The following LAMA1 variants were observed in gnomAD, a reference collection of about 807,000 sequenced individuals.
The protein encoded by LAMA1 is laminin subunit alpha-1.
LAMA1 carries 219 observed loss-of-function variants against 348.7 expected under a neutral mutation model. That is an observed-to-expected ratio of 0.63 (90% confidence interval 0.56 to 0.70). The LOEUF (loss-of-function observed/expected upper bound fraction) is 0.70. Ranked by LOEUF, LAMA1 falls within the 30% of genes least tolerant of loss-of-function variation. LAMA1 has a pLI of 0.00. For synonymous variants in LAMA1, 1,487 were observed against 1,491.0 expected, an observed-to-expected ratio of 1.00 and a Z score of 0.06; for missense variants, 3,744 against 3,888.0, an observed-to-expected ratio of 0.96 and a Z score of 0.99.
intron 48 of LAMA1, among the ~76,000 whole-genome samples, chr18:6,969,770 A>C (rs1159114466): frequency 6.6e-6 from 1 of 152,106 alleles, no homozygotes; most frequent in African/African-American, 2.4e-5. Flanking sequence ...GGGTGTGTGG[A>C]AATCCGGAGG....
intron 20 of LAMA1, 45 bp downstream of exon 20, chr18:7,017,233 C>T (rs780061112): frequency 6.8e-7 from 1 of 1,470,042 alleles, no homozygotes; most frequent in South Asian, 1.2e-5. Context: ...GATTCAATCG[C>T]CTCTGTACCA....
chr18:7,030,230 T>A (rs1488978287), intron 16 of LAMA1, among the ~76,000 whole-genome samples: 1 of 152,152 alleles, frequency 6.6e-6, no homozygotes, highest in Non-Finnish European at 1.5e-5. Context: ...GCACGGCACC[T>A]CCACGTCTTC....
intron 3 of LAMA1, among the ~76,000 whole-genome samples, chr18:7,075,306 G>A (rs941077999): frequency 5.3e-5 from 8 of 152,114 alleles, no homozygotes; most frequent in African/African-American, 1.4e-4. Flanking sequence ...AAGAGGAGGG[G>A]GGGGAAGTTA....
intron 3 of LAMA1, among the ~76,000 whole-genome samples, chr18:7,072,520 C>G (rs1489625407): frequency 6.6e-6 from 1 of 152,214 alleles, no homozygotes; most frequent in Non-Finnish European, 1.5e-5. Flanking sequence ...TGCCCTGATG[C>G]AGTCTCTCGG....
In LAMA1 at chr18:6,943,843, C is replaced by CA. The variant is rs61710961; in HGVS notation, c.8845-442dup. 4.1e-3 allele frequency among the ~76,000 whole-genome samples: 261 copies of CA among 63,048 alleles called. 1 individual carries two copies. The highest frequency in any genetic ancestry group is 9.2e-3 in the African/African-American group (159 of 17,282). The allele number at this position is 63,048 out of a possible 152,430, so 41.4% of individuals were successfully genotyped here. On this transcript the variant is annotated intron_variant, in intron 61 of 62. Transcript: ENST00000389658. ...GGGCAACAAGAGCGAAACTCCATCTCAAAAAAAAAAAAAAAAAAAAAAGAT... is the reference window on the plus strand; with the variant it reads ...GGGCAACAAGAGCGAAACTCCATCTCAAAAAAAAAAAAAAAAAAAAAAAGAT...
intron 14 of LAMA1, among the ~76,000 whole-genome samples, 187 bp downstream of exon 14, chr18:7,034,292 T>C (rs1354728831): frequency 6.6e-6 from 1 of 152,220 alleles, no homozygotes; most frequent in Middle Eastern, 3.2e-3. Context: ...TTGATGTGGA[T>C]AACTGTTCTT....
At chr18:7,049,635 T>C (rs145484172) in intron 4 of LAMA1, among the ~76,000 whole-genome samples, 197 of 152,370 alleles carry the variant, frequency 1.3e-3, no homozygotes, top group African/African-American at 4.5e-3. Flanking sequence ...AATATAGCCC[T>C]GATTGTCTAA....
rs1307233609 is a variant in LAMA1 at position 7,034,892 on chromosome 18, G to A, written c.1840-202C>T. 2.0e-5 allele frequency among the ~76,000 whole-genome samples: 3 copies of A among 152,266 alleles called. No homozygotes were observed. The East Asian group carries it at 5.8e-4, about 29-fold the overall frequency. ...TTGTATTATTTTTAGAGGGGTTCTG[G>A]TAATAAACTGAAAGCCTGTGTACTT... On this transcript the variant is annotated intron_variant, in intron 13 of 62. Transcript: ENST00000389658.
At chr18:7,050,619 G>T in intron 4 of LAMA1, 75 bp downstream of exon 4, 2 of 1,602,168 alleles carry the variant, frequency 1.2e-6, no homozygotes, top group South Asian at 1.1e-5. Context: ...TGTATTGAGA[G>T]AGATCAATTT....
At position 7,115,816 on chromosome 18, in the gene LAMA1, A is replaced by AAAC. The variant is rs1244406886; in HGVS notation, c.61+1843_61+1844insGTT. ...AAACCCTGTCTCCACTAAAAATACA[A>AAAC]AAAAAAAAAAAAAAAAATAGCCGGG... On this transcript the variant is annotated intron_variant, in intron 1 of 62. Coordinates refer to ENST00000389658, the MANE Select transcript of LAMA1 (RefSeq NM_005559.4). 3.7e-3 allele frequency among the ~76,000 whole-genome samples: 429 copies of AAAC among 116,016 alleles called. 5 individuals are homozygous for AAAC. Among genetic ancestry groups the AAAC allele is most frequent in the African/African-American group, 9.2e-3 (175 of 19,064 alleles). The allele number at this position is 116,016 out of a possible 152,430, so 76.1% of individuals were successfully genotyped here. A position where few individuals can be genotyped will look rare whatever the true frequency, so the allele number is the denominator to read the frequency against.
At chr18:6,969,316 G>A (rs879451899) in intron 48 of LAMA1, among the ~76,000 whole-genome samples, 26 of 152,160 alleles carry the variant, frequency 1.7e-4, no homozygotes, top group Admixed American at 1.7e-3. Context: ...TGGGATTACA[G>A]GCGTGACCCT....
At chr18:6,967,607 T>C (rs903238214) in intron 48 of LAMA1, among the ~76,000 whole-genome samples, 1 of 152,216 alleles carries the variant, frequency 6.6e-6, no homozygotes, top group Non-Finnish European at 1.5e-5. Flanking sequence ...AGATGTTTTC[T>C]CTCATTATTC....
At chr18:7,071,400 C>G (rs970823701) in intron 3 of LAMA1, among the ~76,000 whole-genome samples, 1 of 152,198 alleles carries the variant, frequency 6.6e-6, no homozygotes, top group South Asian at 2.1e-4. Context: ...AATAACATTC[C>G]TCTTTCAAAA....
At chr18:7,061,238 T>C (rs1204601687) in intron 3 of LAMA1, among the ~76,000 whole-genome samples, 2 of 152,208 alleles carry the variant, frequency 1.3e-5, no homozygotes, top group African/African-American at 4.8e-5. Context: ...CTTCCTAGTC[T>C]CGATGTATTT....
chr18:6,956,195 C>A (rs1940970), intron 56 of LAMA1: 150,492 of 340,500 alleles, frequency 0.44, 34,288 homozygotes, highest in African/African-American at 0.56. Flanking sequence ...AAGGGGAGAA[C>A]ATGAAAAATA....
intron 1 of LAMA1, among the ~76,000 whole-genome samples, chr18:7,090,659 A>G (rs2058236142): frequency 6.8e-6 from 1 of 146,872 alleles, no homozygotes; most frequent in African/African-American, 2.5e-5. Flanking sequence ...AAAGACAGGG[A>G]GAGATATTGA....
At chr18:7,103,156 G>A (rs889843186) in intron 1 of LAMA1, among the ~76,000 whole-genome samples, 2 of 152,186 alleles carry the variant, frequency 1.3e-5, no homozygotes, top group Admixed American at 6.5e-5. Context: ...GGTGGCTCAC[G>A]CCTGTAATCC....
chr18:6,947,072 T>C (rs2057524863), intron 61 of LAMA1, 91 bp downstream of exon 61: 5 of 1,521,230 alleles, frequency 3.3e-6, no homozygotes, highest in South Asian at 1.1e-5. Context: ...TCCATGAAAA[T>C]AGATAGTTGT....
At chr18:6,979,441 G>C (rs988998678) in intron 42 of LAMA1, among the ~76,000 whole-genome samples, 1 of 152,218 alleles carries the variant, frequency 6.6e-6, no homozygotes, top group Non-Finnish European at 1.5e-5. Context: ...ACCAAGGCAA[G>C]AGGGTCGCTT....
Sources: allele counts gnomAD v4.1 joint callset (sites outside exome capture counted in the v4.1 genomes callset), GRCh38; gene constraint gnomAD v4.1.1; transcripts MANE v1.5; gene names NCBI Gene and HGNC (gene_info 2026-07-23, HGNC 2026-07-21).